Variants in PCDHGB1 observed in about 807,000 individuals in gnomAD.
PCDHGB1 encodes protocadherin gamma subfamily B, 1, also known as protocadherin gamma-B1.
In PCDHGB1, 34 loss-of-function variants were observed where a neutral mutation model predicts 56.6. The observed-to-expected ratio is 0.60, with a 90% CI of 0.46 to 0.80. The LOEUF (loss-of-function observed/expected upper bound fraction) is 0.80, where lower values mean the gene tolerates loss of function less well. PCDHGB1 is among the 30% of genes least tolerant of loss of function. The pLI is 0.00. For synonymous variants in PCDHGB1, 561 were observed against 505.9 expected (o/e 1.11, Z -1.46); for missense variants, 1,278 against 1,204.6 (o/e 1.06, Z -0.90).
chr5:141,404,879 G>A (rs770577946), intron 1 of PCDHGB1: 4 of 1,613,906 alleles, frequency 2.5e-6, no homozygotes, highest in Middle Eastern at 1.6e-4. Flanking sequence ...ACAGAGCCTT[G>A]TGGTGGCTGT....
rs781289120 is a variant in PCDHGB1 at position 141,431,571 on chromosome 5, A to G, written c.2410-63236A>G. ...GTAGTCAACGCTACCGACCCTGACG[A>G]AGGAGTCAATGCGGAAGTGAGGTAT... is the stretch of plus-strand genomic sequence containing the variant. On this transcript the variant is annotated intron_variant, in intron 1 of 3. Transcript: ENST00000523390. The surrounding 1 kb of genome is among the most constrained non-coding windows in gnomAD (Gnocchi z 4.8). 6.2e-7 allele frequency: 1 copy of G among 1,614,144 alleles called. No homozygotes were observed. The highest frequency in any genetic ancestry group is 2.2e-5 in the East Asian group (1 of 44,882).
At chr5:141,480,703 C>G (rs577131684) in intron 1 of PCDHGB1, among the ~76,000 whole-genome samples, 1 of 152,134 alleles carries the variant, frequency 6.6e-6, no homozygotes, top group African/African-American at 2.4e-5. Context: ...GGCCACACCC[C>G]GACAAATGAA....
At position 141,357,060 on chromosome 5, in the gene PCDHGB1, G is replaced by A. The variant is rs755597830; in HGVS notation, c.2409+4391G>A. The A allele has an allele frequency of 2.5e-6, 4 of 1,613,996 alleles. No individual in the cohort carries two copies. The South Asian group carries it at 3.3e-5, about 13-fold the overall frequency. ...GCGAGCCGGGACTATTTGCAGTGGG[G>A]CTGCACACAGGCGAGGTGCGCACCG... is the stretch of plus-strand genomic sequence containing the variant. On this transcript the variant is annotated intron_variant, in intron 1 of 3. Coordinates refer to ENST00000523390, the MANE Select transcript of PCDHGB1 (RefSeq NM_018922.3).
At position 141,431,906 on chromosome 5, in the gene PCDHGB1, A is replaced by G; in HGVS notation, c.2410-62901A>G. 1 of 1,613,868 alleles carries G rather than the reference A, an allele frequency of 6.2e-7. No individual in the cohort carries two copies. Among genetic ancestry groups the G allele is most frequent in the Non-Finnish European group, 8.5e-7 (1 of 1,179,692 alleles). On this transcript the variant is annotated intron_variant, in intron 1 of 3. Transcript: ENST00000523390. This position sits in a 1 kb window ranked among gnomAD's most constrained non-coding sequence, Gnocchi z 4.8. ...AGATTCTGAGGAAAACGGACAGGTG[A>G]TCTGTTTCATCCAAGGAAATCTGCC...
chr5:141,364,685 G>A (rs1451666874), intron 1 of PCDHGB1: 1 of 1,613,978 alleles, frequency 6.2e-7, no homozygotes, highest in South Asian at 1.1e-5. Flanking sequence ...AATTTATGGA[G>A]TAGAAGTAGA....
chr5:141,433,843 A>C (rs2097657951), intron 1 of PCDHGB1, among the ~76,000 whole-genome samples: 1 of 151,956 alleles, frequency 6.6e-6, no homozygotes, highest in African/African-American at 2.4e-5. Context: ...ATCTCAAAAA[A>C]AAAAAAAAAA....
intron 1 of PCDHGB1, among the ~76,000 whole-genome samples, chr5:141,437,491 T>C (rs1428543921): frequency 6.6e-6 from 1 of 152,184 alleles, no homozygotes; most frequent in Non-Finnish European, 1.5e-5. Flanking sequence ...ATCTCGTAGA[T>C]CACTTTTCAA....
rs375953505 is a variant in PCDHGB1 at position 141,352,222 on chromosome 5, C to T, written c.1962C>T (p.Ala654=). 3.1e-6 allele frequency: 5 copies of T among 1,614,090 alleles called. No individual in the cohort carries two copies. The East Asian group carries it at 1.1e-4, about 36-fold the overall frequency. The change falls in exon 1 of 4, where the codon GCC becomes GCT. Residue 654 remains alanine (A), a synonymous_variant. Coordinates refer to ENST00000523390, the MANE Select transcript of PCDHGB1 (RefSeq NM_018922.3). ...GACAGCCGCCACTCTCCGCCACCGC[C>T]ACGCTGCACCTAATCTTCGCGGATA... ...DGGQPPLSAT[A]TLHLIFADSL...
intron 1 of PCDHGB1, chr5:141,418,237 T>G (rs1470328670): frequency 6.2e-7 from 1 of 1,614,044 alleles, no homozygotes. Context: ...TTGAGGATGT[T>G]AATGACCACG....
intron 1 of PCDHGB1, chr5:141,409,550 C>T (rs764101999): frequency 1.9e-6 from 3 of 1,613,992 alleles, no homozygotes; most frequent in African/African-American, 2.7e-5. Context: ...CGACAACGCC[C>T]CAGTTTTCGA....
Position 141,423,580 on chromosome 5 carries a change from A to C in PCDHGB1, c.2409+70911A>C, listed in dbSNP as rs368022774. 46 of 1,613,286 alleles carry C rather than the reference A, an allele frequency of 2.9e-5. No individual in the cohort carries two copies. In the African/African-American group the frequency reaches 5.6e-4, roughly 20 times the overall value. On this transcript the variant is annotated intron_variant, in intron 1 of 3. Coordinates refer to ENST00000523390, the MANE Select transcript of PCDHGB1 (RefSeq NM_018922.3). ...TGGGGACACGCTCATCAGCCAGGAGAGCTGTGAGAAAAGCGAGCCACTCTT... is the reference window on the plus strand; with the variant it reads ...TGGGGACACGCTCATCAGCCAGGAGCGCTGTGAGAAAAGCGAGCCACTCTT...
rs2099610288 is a variant in PCDHGB1, at chr5:141,485,252, G to A, written c.2410-9555G>A. ...GTTCCTCTTTTACCACCTGGGTTAC[G>A]TTTGTGGGCAGATCCGCTACCCGGT... On this transcript the variant is annotated intron_variant, in intron 1 of 3. Coordinates refer to ENST00000523390, the MANE Select transcript of PCDHGB1 (RefSeq NM_018922.3). This position sits in a 1 kb window ranked among gnomAD's most constrained non-coding sequence, Gnocchi z 5.7. 6.2e-7 allele frequency: 1 copy of A among 1,614,042 alleles called. No individual in the cohort carries two copies. The highest frequency in any genetic ancestry group is 1.7e-5 in the Admixed American group (1 of 60,008).
rs1301787934 is a variant in PCDHGB1 at position 141,476,164 on chromosome 5, A to G, written c.2410-18643A>G. Reference sequence around the variant, plus strand: ...GCGGACTGGTAAGCACCGGGAGGGTAGTGGGAGTTTTGCTTCTGCTTGGTG... The same window carrying G: ...GCGGACTGGTAAGCACCGGGAGGGTGGTGGGAGTTTTGCTTCTGCTTGGTG... On this transcript the variant is annotated intron_variant, in intron 1 of 3. Transcript: ENST00000523390. This position sits in a 1 kb window ranked among gnomAD's most constrained non-coding sequence, Gnocchi z 7.6. 6.2e-7 allele frequency: 1 copy of G among 1,613,116 alleles called. No individual in the cohort carries two copies.
chr5:141,492,386 G>C (rs1343104703), intron 1 of PCDHGB1, among the ~76,000 whole-genome samples: 1 of 152,202 alleles, frequency 6.6e-6, no homozygotes, highest in African/African-American at 2.4e-5. Context: ...GCCTGTTCCG[G>C]TCCACTCGCA....
At chr5:141,390,612 T>C (rs2092191763) in intron 1 of PCDHGB1, 1 of 296,168 alleles carries the variant, frequency 3.4e-6, no homozygotes, top group Non-Finnish European at 6.3e-6. Context: ...ATTTTCCTTC[T>C]TGTTGACTAA....
Position 141,351,520 on chromosome 5 carries a change from C to A in PCDHGB1, c.1260C>A (p.Ala420=), listed in dbSNP as rs770918784. Residue 420 remains alanine, a synonymous_variant, in exon 1 of 4, where the codon GCC becomes GCA. Coordinates refer to ENST00000523390, the MANE Select transcript of PCDHGB1 (RefSeq NM_018922.3). ...QTADYNVTII[A]TDKGKPALSS... ...CAGACTACAACGTCACAATCATAGC[C>A]ACCGACAAGGGCAAACCAGCCCTTT... The A allele has an allele frequency of 6.2e-7, 1 of 1,614,014 alleles. No homozygotes were observed. Among genetic ancestry groups the A allele is most frequent in the South Asian group, 1.1e-5 (1 of 91,086 alleles).
At chr5:141,409,163 G>A in intron 1 of PCDHGB1, 1 of 1,614,026 alleles carries the variant, frequency 6.2e-7, no homozygotes. Context: ...GGAAGTGGAA[G>A]CGAAGGACGG....
chr5:141,423,956 A>T, intron 1 of PCDHGB1: 4 of 1,182,724 alleles, frequency 3.4e-6, no homozygotes, highest in Non-Finnish European at 4.2e-6. Context: ...TTTTAGTATT[A>T]TTTTTCTATT....
chr5:141,364,593 G>T (rs1404153764), intron 1 of PCDHGB1: 1 of 1,614,096 alleles, frequency 6.2e-7, no homozygotes, highest in Non-Finnish European at 8.5e-7. Flanking sequence ...GTCACCGCGG[G>T]CAGGATAGAC....
Sources: allele counts gnomAD v4.1 joint callset (sites outside exome capture counted in the v4.1 genomes callset), GRCh38; gene constraint gnomAD v4.1.1; non-coding constraint Gnocchi (gnomAD v3.1); transcripts MANE v1.5; gene names NCBI Gene and HGNC (gene_info 2026-07-23, HGNC 2026-07-21).